The following ETFDH variants were observed in gnomAD, a reference collection of about 807,000 sequenced individuals.
ETFDH encodes the protein electron transfer flavoprotein dehydrogenase.
A neutral mutation model predicts 73.2 loss-of-function variants in ETFDH; 61 were observed. The observed-to-expected ratio is 0.83, with a 90% CI of 0.68 to 1.03. ETFDH has a LOEUF of 1.03. ETFDH is among the 50% of genes least tolerant of loss of function. ETFDH has a pLI of 0.00. For synonymous variants in ETFDH, 243 were observed against 253.3 expected (o/e 0.96, Z 0.39); for missense variants, 685 against 745.0 (o/e 0.92, Z 0.94).
chr4:158,677,153 G>T (rs1031290349), intron 1 of ETFDH, among the ~76,000 whole-genome samples: 5 of 152,156 alleles, frequency 3.3e-5, no homozygotes, highest in African/African-American at 9.7e-5. Flanking sequence ...TGATGAAAAA[G>T]CCAAACTCCA....
In ETFDH at chr4:158,700,391, A is replaced by C. The variant is rs187702419; in HGVS notation, c.1116+1261A>C. Reference sequence around the variant, plus strand: ...TATTAAACTTTTAAAAATAATGTCCATAATAGTTACTGTCAATCTAACCCT... The same window carrying C: ...TATTAAACTTTTAAAAATAATGTCCCTAATAGTTACTGTCAATCTAACCCT... On this transcript the variant is annotated intron_variant, in intron 9 of 12. Transcript: ENST00000511912. 2.6e-5 allele frequency among the ~76,000 whole-genome samples: 4 copies of C among 152,300 alleles called. No individual in the cohort carries two copies. The East Asian group carries it at 7.7e-4, about 29-fold the overall frequency.
intron 5 of ETFDH, among the ~76,000 whole-genome samples, chr4:158,689,956 T>C (rs1336525290): frequency 6.6e-6 from 1 of 152,196 alleles, no homozygotes; most frequent in African/African-American, 2.4e-5. Flanking sequence ...TCATTTGAGA[T>C]GTAAGCTTTC....
intron 1 of ETFDH, among the ~76,000 whole-genome samples, chr4:158,675,838 AT>A: frequency 6.6e-6 from 1 of 151,916 alleles, no homozygotes; most frequent in Non-Finnish European, 1.5e-5. Context: ...TGTTTTCATT[AT>A]CTTAGGGATA....
intron 4 of ETFDH, 190 bp downstream of exon 4, chr4:158,684,863 G>A: frequency 1.6e-6 from 1 of 624,318 alleles, no homozygotes. Flanking sequence ...TTCCAGTCTA[G>A]AAGAATTGAG....
intron 8 of ETFDH, 31 bp from the exon 9 acceptor site, chr4:158,698,956 G>T (rs893729402): frequency 3.5e-6 from 5 of 1,416,658 alleles, no homozygotes; most frequent in Admixed American, 3.5e-5. Context: ...AAATAAAAAT[G>T]TCTAATTAAA....
intron 7 of ETFDH, among the ~76,000 whole-genome samples, chr4:158,696,590 A>G (rs1427771726): frequency 1.3e-5 from 2 of 152,194 alleles, no homozygotes; most frequent in Non-Finnish European, 2.9e-5. Context: ...ATATAAAACT[A>G]GATTCATTAT....
chr4:158,701,213 G>A (rs1286391984), intron 9 of ETFDH, among the ~76,000 whole-genome samples: 1 of 152,160 alleles, frequency 6.6e-6, no homozygotes, highest in Non-Finnish European at 1.5e-5. Context: ...GGAAGAACTT[G>A]CACTCATAGT....
At chr4:158,689,370 A>G (rs992346824) in intron 5 of ETFDH, among the ~76,000 whole-genome samples, 2 of 151,848 alleles carry the variant, frequency 1.3e-5, no homozygotes, top group African/African-American at 4.8e-5. Flanking sequence ...AGTCACAGGT[A>G]GGTGGTTTGT....
At chr4:158,691,015 A>G (rs1774151113) in intron 6 of ETFDH, among the ~76,000 whole-genome samples, 1 of 152,228 alleles carries the variant, frequency 6.6e-6, no homozygotes, top group Non-Finnish European at 1.5e-5. Flanking sequence ...TGGTTTAGGC[A>G]AGTAGTTATA....
At chr4:158,692,760 A>G (rs1774207291) in intron 6 of ETFDH, among the ~76,000 whole-genome samples, 1 of 149,542 alleles carries the variant, frequency 6.7e-6, no homozygotes, top group South Asian at 2.1e-4. Flanking sequence ...GTGTGTTCTC[A>G]TTTGTTCAAA....
At chr4:158,690,753 ATGGGTGT>A (rs1260742449) in intron 6 of ETFDH, among the ~76,000 whole-genome samples, 1 of 152,100 alleles carries the variant, frequency 6.6e-6, no homozygotes, top group Non-Finnish European at 1.5e-5. Context: ...CATTAATTAT[ATGGGTGT>A]TGGGATGCCA....
chr4:158,706,133 T>C, intron 10 of ETFDH, 56 bp from the exon 11 acceptor site: 1 of 1,177,692 alleles, frequency 8.5e-7, no homozygotes, highest in East Asian at 2.3e-5. Context: ...ATACTTAGCG[T>C]ATTTTACACA....
At position 158,697,642 on chromosome 4, in the gene ETFDH, A is replaced by G. The variant is rs1774345715; in HGVS notation, c.915A>G (p.Gly305=). 1.9e-6 allele frequency: 3 copies of G among 1,613,262 alleles called. No homozygotes were observed. The highest frequency in any genetic ancestry group is 2.2e-5 in the East Asian group (1 of 44,850). The part of the protein sequence containing the change: ...VGWPLDRHTY[G]GSFLYHLNEG... ...GGCCCTTGGACAGACATACCTATGGAGGATCTTTCCTCTATCATTTGAATG... is the reference window on the plus strand; with the variant it reads ...GGCCCTTGGACAGACATACCTATGGGGGATCTTTCCTCTATCATTTGAATG... Residue 305 remains glycine, a synonymous_variant, in exon 8 of 13, where the codon GGA becomes GGG. Coordinates refer to ENST00000511912, the MANE Select transcript of ETFDH (RefSeq NM_004453.4).
intron 1 of ETFDH, 30 bp from the exon 2 acceptor site, chr4:158,680,437 A>C: frequency 6.4e-7 from 1 of 1,563,264 alleles, no homozygotes; most frequent in Middle Eastern, 1.7e-4. Context: ...AATTTTAAGG[A>C]AGATAATAAT....
chr4:158,679,917 A>C (rs544653983), intron 1 of ETFDH: 1 of 151,322 alleles, frequency 6.6e-6, no homozygotes, highest in African/African-American at 2.4e-5. Flanking sequence ...ACTAAAAAAA[A>C]AAAACAAAAA....
chr4:158,686,235 A>G (rs1478145972), intron 5 of ETFDH, among the ~76,000 whole-genome samples: 2 of 152,132 alleles, frequency 1.3e-5, no homozygotes, highest in African/African-American at 4.8e-5. Flanking sequence ...CTGAGCCCCA[A>G]TAGCAGAAAG....
chr4:158,697,054 C>A (rs775796713), intron 7 of ETFDH, among the ~76,000 whole-genome samples: 5 of 151,758 alleles, frequency 3.3e-5, no homozygotes, highest in African/African-American at 4.8e-5. Flanking sequence ...ATATAATTTT[C>A]TTTGTTATTC....
chr4:158,695,717 A>G, intron 7 of ETFDH, 74 bp downstream of exon 7: 1 of 967,808 alleles, frequency 1.0e-6, no homozygotes. Context: ...CAGGTAGTTT[A>G]TAATACTGAT....
intron 9 of ETFDH, among the ~76,000 whole-genome samples, chr4:158,702,440 C>G (rs1022617699): frequency 2.6e-5 from 4 of 151,926 alleles, no homozygotes; most frequent in African/African-American, 9.7e-5. Flanking sequence ...ATACATTAAC[C>G]AATCTCCATA....
Sources: gnomAD v4.1 joint callset for allele counts (sites outside exome capture counted in the v4.1 genomes callset) on GRCh38, gnomAD v4.1.1 for gene constraint, MANE v1.5 for transcripts, NCBI Gene and HGNC (gene_info 2026-07-23, HGNC 2026-07-21) for gene names.